Variants in LYPLAL1 observed in about 807,000 individuals in gnomAD.
LYPLAL1 encodes lysophospholipase-like protein 1.
In LYPLAL1, 23 loss-of-function variants were observed where a neutral mutation model predicts 19.7. The observed-to-expected ratio is 1.17, with a 90% CI of 0.84 to 1.65. The LOEUF is 1.65. LYPLAL1 is among the 40% of genes most tolerant of loss of function. The pLI, the probability that LYPLAL1 is intolerant of heterozygous loss-of-function variation, is 0.00. For synonymous variants in LYPLAL1, 119 were observed against 96.3 expected, an observed-to-expected ratio of 1.24 and a Z score of -1.38; for missense variants, 355 against 279.4, an observed-to-expected ratio of 1.27 and a Z score of -1.93.
chr1:219,418,751 T>C, the LYPLAL1 span, among the ~76,000 whole-genome samples: 3 of 152,182 alleles, frequency 2.0e-5, no homozygotes, highest in East Asian at 1.9e-4. Flanking sequence ...TATAGTAACA[T>C]ATAAAGTAGT....
chr1:219,262,177 G>A, the LYPLAL1 span, among the ~76,000 whole-genome samples: 8 of 152,032 alleles, frequency 5.3e-5, no homozygotes, highest in Non-Finnish European at 1.2e-4. Context: ...TTCTCTAAAT[G>A]TGTCTTTCAT....
chr1:219,371,887 T>G, the LYPLAL1 span, among the ~76,000 whole-genome samples: 1 of 152,224 alleles, frequency 6.6e-6, no homozygotes, highest in South Asian at 2.1e-4. Context: ...ATTTAATTTG[T>G]CTAAGGTTTT....
chr1:219,352,086 G>A, the LYPLAL1 span, among the ~76,000 whole-genome samples: 30 of 152,264 alleles, frequency 2.0e-4, no homozygotes, highest in African/African-American at 6.7e-4. Flanking sequence ...CCACTCTATA[G>A]AGGAAGCATG....
the LYPLAL1 span, among the ~76,000 whole-genome samples, chr1:219,233,714 G>A: frequency 5.3e-5 from 8 of 151,550 alleles, no homozygotes; most frequent in Non-Finnish European, 1.0e-4. Flanking sequence ...AGGCTGCAGT[G>A]AGCTTGTGAT....
At chr1:219,393,390 T>G in the LYPLAL1 span, among the ~76,000 whole-genome samples, 14 of 152,126 alleles carry the variant, frequency 9.2e-5, no homozygotes, top group East Asian at 2.5e-3. Flanking sequence ...GTACCTCATA[T>G]GTAAACACAG....
chr1:219,345,168 A>G, the LYPLAL1 span, among the ~76,000 whole-genome samples: 1 of 152,182 alleles, frequency 6.6e-6, no homozygotes, highest in Non-Finnish European at 1.5e-5. Flanking sequence ...ATAATATATC[A>G]GGTAACCATC....
At chr1:219,293,921 C>T in the LYPLAL1 span, among the ~76,000 whole-genome samples, 1 of 152,190 alleles carries the variant, frequency 6.6e-6, no homozygotes, top group Non-Finnish European at 1.5e-5. Context: ...CTGCCTTGTC[C>T]CCCAAGCTTA....
the LYPLAL1 span, among the ~76,000 whole-genome samples, chr1:219,234,077 C>T: frequency 6.6e-6 from 1 of 152,066 alleles, no homozygotes; most frequent in Non-Finnish European, 1.5e-5. Flanking sequence ...TATTTTGGGC[C>T]AAGTTCATTA....
the LYPLAL1 span, among the ~76,000 whole-genome samples, chr1:219,255,514 T>A: frequency 6.6e-6 from 1 of 151,968 alleles, no homozygotes; most frequent in Non-Finnish European, 1.5e-5. Flanking sequence ...ATCATTTGGG[T>A]TTTCTATGTT....
At chr1:219,326,076 G>A in the LYPLAL1 span, among the ~76,000 whole-genome samples, 2 of 152,156 alleles carry the variant, frequency 1.3e-5, no homozygotes, top group Admixed American at 1.3e-4. Context: ...ACTATGCCCT[G>A]CTAATTTTTG....
At chr1:219,215,461 C>G (rs1659260180), downstream of LYPLAL1, among the ~76,000 whole-genome samples, 2 of 152,034 alleles carry the variant, frequency 1.3e-5, no homozygotes, top group Admixed American at 1.3e-4. Context: ...GTGTCTTGTG[C>G]TTGGAGTGCC....
At chr1:219,423,145 C>T in the LYPLAL1 span, among the ~76,000 whole-genome samples, 988 of 152,256 alleles carry the variant, frequency 6.5e-3, 11 homozygotes, top group African/African-American at 0.022. Flanking sequence ...CCTCTCTTCA[C>T]ACCTTACTTC....
chr1:219,182,559 A>G (rs1039205855), intron 2 of LYPLAL1, among the ~76,000 whole-genome samples: 1 of 151,736 alleles, frequency 6.6e-6, no homozygotes, highest in Non-Finnish European at 1.5e-5. Context: ...CTTAACTCTC[A>G]CTCTTTTTAA....
chr1:219,221,541 C>T, the LYPLAL1 span, among the ~76,000 whole-genome samples: 3 of 152,232 alleles, frequency 2.0e-5, no homozygotes, highest in South Asian at 2.1e-4. Flanking sequence ...CCCTGGGGGT[C>T]GGGTGCTCAG....
chr1:219,178,039 C>CT (rs1655967424), intron 1 of LYPLAL1, among the ~76,000 whole-genome samples: 1 of 152,190 alleles, frequency 6.6e-6, no homozygotes. Context: ...TCTCACCATC[C>CT]TGTAGACTTT....
At chr1:219,353,152 A>T in the LYPLAL1 span, among the ~76,000 whole-genome samples, 1 of 152,224 alleles carries the variant, frequency 6.6e-6, no homozygotes, top group Admixed American at 6.5e-5. Context: ...TTTTGCCTGG[A>T]GGCATTTACT....
chr1:219,334,005 CA>C, the LYPLAL1 span, among the ~76,000 whole-genome samples: 1 of 151,984 alleles, frequency 6.6e-6, no homozygotes, highest in African/African-American at 2.4e-5. Flanking sequence ...AAACATTTTT[CA>C]AACATTTCTA....
At chr1:219,241,098 A>ATCTCTCTCTCTCTCTCTCTC in the LYPLAL1 span, among the ~76,000 whole-genome samples, 1 of 59,238 alleles carries the variant, frequency 1.7e-5, no homozygotes, top group East Asian at 7.2e-4. Context: ...AATATATATA[A>ATCTCTCTCTCTCTCTCTCTC]TCTCTCTCTC....
the LYPLAL1 span, among the ~76,000 whole-genome samples, chr1:219,444,069 A>T: frequency 6.7e-6 from 1 of 150,226 alleles, no homozygotes; most frequent in Non-Finnish European, 1.5e-5. Context: ...CTAGGAATCC[A>T]TTTTTTTTTT....
Sources: gnomAD v4.1 joint callset for allele counts (sites outside exome capture counted in the v4.1 genomes callset) on GRCh38, gnomAD v4.1.1 for gene constraint, MANE v1.5 for transcripts, NCBI Gene and HGNC (gene_info 2026-07-23, HGNC 2026-07-21) for gene names.